The following PLK4 variants were observed in gnomAD, a reference collection of about 807,000 sequenced individuals.
PLK4 encodes serine/threonine-protein kinase PLK4.
In PLK4, 51 loss-of-function variants were observed where a neutral mutation model predicts 103.0. That is an observed-to-expected ratio of 0.50 (90% CI 0.40 to 0.63). PLK4 has a LOEUF of 0.63. Ranked by LOEUF, PLK4 falls within the 20% of genes least tolerant of loss-of-function variation. PLK4 has a pLI of 0.00. For synonymous variants in PLK4, 389 were observed against 376.8 expected (o/e 1.03, Z -0.38); for missense variants, 1,054 against 1,151.0 (o/e 0.92, Z 1.22).
chr4:127,885,262 G>A (rs893160709), intron 4 of PLK4, among the ~76,000 whole-genome samples: 4 of 151,728 alleles, frequency 2.6e-5, no homozygotes, highest in African/African-American at 7.3e-5. Flanking sequence ...GGTGGATCAC[G>A]AGGTCAGGAG....
Position 127,891,122 on chromosome 4 carries a change from G to A in PLK4, c.1861G>A (p.Val621Met), listed in dbSNP as rs773122147. 2.5e-6 allele frequency: 4 copies of A among 1,589,622 alleles called. No individual in the cohort carries two copies. In the African/African-American group the frequency reaches 5.4e-5, roughly 22 times the overall value. ...CATACTTGATTCAGAGGAGGTGTGT[G>A]TGGAGCTTGTAAAGGAGTATGCATC... ...VSILDSEEVC[V>M]ELVKEYASQE... Residue 621 changes from valine (V) to methionine (M), a missense_variant, in exon 8 of 16, where the codon GTG (valine) becomes ATG (methionine). Transcript: ENST00000270861.
intron 7 of PLK4, 114 bp downstream of exon 7, chr4:127,890,350 A>C (rs1238756486): frequency 1.5e-6 from 1 of 674,620 alleles, no homozygotes. Context: ...TGTATACATG[A>C]TCAACTTTAT....
Position 127,894,946 on chromosome 4 carries a change from T to C in PLK4, c.2563-7T>C, listed in dbSNP as rs1211775948. ...AATAATATCTTCCTGTCCTTTATTCTTTGTAGATGGTTACAAATGAAGGAC... is the reference window on the plus strand; with the variant it reads ...AATAATATCTTCCTGTCCTTTATTCCTTGTAGATGGTTACAAATGAAGGAC... On this transcript the variant is annotated splice_region_variant and splice_polypyrimidine_tract_variant and intron_variant, in intron 13 of 15. Transcript: ENST00000270861. 1 of 1,561,226 alleles carries C rather than the reference T, an allele frequency of 6.4e-7. No individual in the cohort carries two copies. The highest frequency in any genetic ancestry group is 1.4e-5 in the African/African-American group (1 of 72,708).
At position 127,886,381 on chromosome 4, in the gene PLK4, A is replaced by G. The variant is rs201311086; in HGVS notation, c.1011A>G (p.Ser337=). 1.5e-5 allele frequency: 24 copies of G among 1,613,914 alleles called. No individual in the cohort carries two copies. In the Middle Eastern group the frequency reaches 1.6e-3, roughly 111 times the overall value. The change falls in exon 5 of 16, where the codon TCA becomes TCG. Residue 337 remains serine, a synonymous_variant. Transcript: ENST00000270861. Reference sequence around the variant, plus strand: ...AAAGTTCAACTGATTTTTCTTCTTCAGGAGATGGAAACAGTTTTTATACTC... The same window carrying G: ...AAAGTTCAACTGATTTTTCTTCTTCGGGAGATGGAAACAGTTTTTATACTC... The part of the protein sequence containing the change: ...KNKSSTDFSS[S]GDGNSFYTQW...
intron 13 of PLK4, 73 bp downstream of exon 13, chr4:127,893,954 T>G: frequency 1.2e-6 from 1 of 828,792 alleles, no homozygotes; most frequent in Non-Finnish European, 2.0e-6. Context: ...GTAAAATAGT[T>G]TATTGTGGCT....
At chr4:127,881,189 C>T in intron 1 of PLK4, 25 bp downstream of exon 1, 2 of 1,612,446 alleles carry the variant, frequency 1.2e-6, no homozygotes, top group Non-Finnish European at 8.5e-7. Flanking sequence ...CAGTCTGCAG[C>T]GGGGCGGGTG....
At chr4:127,893,641 GT>G (rs1735449820) in intron 12 of PLK4, 37 bp downstream of exon 12, 1 of 1,581,530 alleles carries the variant, frequency 6.3e-7, no homozygotes, top group African/African-American at 1.4e-5. Flanking sequence ...TGGCTAAAAT[GT>G]TTTAAAAGTT....
At chr4:127,895,566 C>T (rs1309369154) in intron 14 of PLK4, among the ~76,000 whole-genome samples, 1 of 144,806 alleles carries the variant, frequency 6.9e-6, no homozygotes, top group African/African-American at 2.6e-5. Flanking sequence ...GGACTACAGG[C>T]GCCCACTGCC....
chr4:127,896,008 C>A (rs185117418), intron 14 of PLK4, among the ~76,000 whole-genome samples: 261 of 152,260 alleles, frequency 1.7e-3, no homozygotes, highest in African/African-American at 5.8e-3. Context: ...ACTTCTGAGC[C>A]TGACACATGT....
intron 15 of PLK4, among the ~76,000 whole-genome samples, chr4:127,897,841 T>TTTTTTG (rs1735631881): frequency 9.9e-6 from 1 of 101,490 alleles, no homozygotes; most frequent in African/African-American, 3.6e-5. Flanking sequence ...TTTTTTTTTT[T>TTTTTTG]TTTTTTTTTT....
In PLK4 at chr4:127,883,295, G is replaced by A. The variant is rs771069245; in HGVS notation, c.160G>A (p.Val54Ile). Reference protein sequence around the residue: ...DKKAMYKAGMVQRVQNEVKIH... With the variant: ...DKKAMYKAGMIQRVQNEVKIH... ...GAAAGCCATGTACAAAGCAGGAATGGTACAGAGAGTCCAAAATGAGGTGAA... is the reference window on the plus strand; with the variant it reads ...GAAAGCCATGTACAAAGCAGGAATGATACAGAGAGTCCAAAATGAGGTGAA... The change falls in exon 3 of 16, where the codon GTA (valine) becomes ATA (isoleucine). Residue 54 changes from valine to isoleucine, a missense_variant. This residue lies in a region of PLK4 where 199 missense variants were observed against 270.1 expected (regional missense o/e 0.74). Transcript: ENST00000270861. 1.0e-5 allele frequency: 16 copies of A among 1,597,240 alleles called. No individual in the cohort carries two copies. Among genetic ancestry groups the A allele is most frequent in the Admixed American group, 1.0e-4 (6 of 59,910 alleles).
At position 127,896,844 on chromosome 4, in the gene PLK4, A is replaced by T. The variant is rs201487669; in HGVS notation, c.2747A>T (p.Gln916Leu). The T allele has an allele frequency of 6.2e-7, 1 of 1,612,396 alleles. No individual in the cohort carries two copies. Among genetic ancestry groups the T allele is most frequent in the Non-Finnish European group, 8.5e-7 (1 of 1,179,072 alleles). The change falls in exon 15 of 16, where the codon CAG (glutamine) becomes CTG (leucine). Residue 916 changes from glutamine (Q) to leucine (L), a missense_variant. By Grantham distance (113) the Gln-to-Leu change is moderately radical. Transcript: ENST00000270861. The stretch of plus-strand genomic sequence containing the variant: ...TGGGTTCAGTTTAATGATGGGTCCC[A>T]GTTGGTTGTGCAGGCAGGAGTGTCT... Reference protein sequence around the residue: ...AVWVQFNDGSQLVVQAGVSSI... With the variant: ...AVWVQFNDGSLLVVQAGVSSI...
At chr4:127,896,646 A>G (rs553732650) in intron 14 of PLK4, among the ~76,000 whole-genome samples, 155 bp from the exon 15 acceptor site, 1 of 152,218 alleles carries the variant, frequency 6.6e-6, no homozygotes, top group South Asian at 2.1e-4. Flanking sequence ...GTAGTCACTT[A>G]GAGAGTTTTT....
Position 127,896,896 on chromosome 4 carries a change from TCAAA to T in PLK4, c.2803_2806del (p.Thr935LeufsTer25). 2 of 1,580,714 alleles carry T rather than the reference TCAAA, an allele frequency of 1.3e-6. No homozygotes were observed. The highest frequency in any genetic ancestry group is 1.7e-6 in the Non-Finnish European group (2 of 1,150,408). Reference sequence around the variant, plus strand: ...CTATCAGTTATACCTCACCAAATGGTCAAACAACTAGGTAAGTTCTTAAAATACT... The same window carrying T: ...CTATCAGTTATACCTCACCAAATGGTCAACTAGGTAAGTTCTTAAAATACT... On this transcript the variant is annotated frameshift_variant, in exon 15 of 16. Transcript: ENST00000270861. LOFTEE classifies it high-confidence loss of function.
rs1311889415 is a variant in PLK4, at chr4:127,885,733, C to T, written c.363C>T (p.Ile121=). The T allele has an allele frequency of 1.2e-6, 2 of 1,612,626 alleles. No homozygotes were observed. The highest frequency in any genetic ancestry group is 2.2e-5 in the South Asian group (2 of 90,824). The change falls in exon 5 of 16, where the codon ATC becomes ATT. Residue 121 remains isoleucine, a synonymous_variant. Transcript: ENST00000270861. ...CTCGACACTTCATGCACCAGATCAT[C>T]ACAGGGATGTTGTATCTTCATTCTC... ...NEARHFMHQI[I]TGMLYLHSHG...
Position 127,891,211 on chromosome 4 carries a change from C to G in PLK4, c.1935+15C>G. 1 of 1,189,666 alleles carries G rather than the reference C, an allele frequency of 8.4e-7. No homozygotes were observed. Among genetic ancestry groups the G allele is most frequent in the South Asian group, 1.4e-5 (1 of 72,200 alleles). 73.7% of individuals were successfully genotyped at this position (1,189,666 alleles called of 1,614,324 possible). A position where few individuals can be genotyped will look rare whatever the true frequency, so the allele number is the denominator to read the frequency against. On this transcript the variant is annotated intron_variant, in intron 8 of 15. Coordinates refer to ENST00000270861, the MANE Select transcript of PLK4 (RefSeq NM_014264.5). ...ATGGAAATACGGTAATGTGTAGTTA[C>G]TTTATTACCTTGCAACTTCAAATTA...
intron 7 of PLK4, among the ~76,000 whole-genome samples, chr4:127,890,562 T>C (rs1049372229): frequency 7.9e-5 from 12 of 152,154 alleles, no homozygotes; most frequent in African/African-American, 2.9e-4. Flanking sequence ...AGTGAGCTAA[T>C]ATTATCCTTT....
Position 127,893,285 on chromosome 4 carries a change from G to C in PLK4, c.2189G>C (p.Gly730Ala). The change falls in exon 11 of 16, where the codon GGG (glycine) becomes GCG (alanine). Residue 730 changes from glycine (G) to alanine (A), a missense_variant and splice_region_variant. Gly to Ala is a moderately conservative substitution (Grantham distance 60, BLOSUM62 0). Coordinates refer to ENST00000270861, the MANE Select transcript of PLK4 (RefSeq NM_014264.5). ...CAGTTTTCTGATTTTTTTTTTTTAG[G>C]GGTAAAAATACACAAAACAGAAGAT... is the stretch of plus-strand genomic sequence containing the variant. ...GADFEVWFYD[G>A]VKIHKTEDFI... 2.6e-6 allele frequency: 4 copies of C among 1,533,752 alleles called. No homozygotes were observed. Among genetic ancestry groups the C allele is most frequent in the Non-Finnish European group, 3.5e-6 (4 of 1,135,406 alleles).
chr4:127,893,366 A>C lies in PLK4; in HGVS notation c.2270A>C (p.Glu757Ala). The C allele has an allele frequency of 6.2e-7, 1 of 1,606,608 alleles. No homozygotes were observed. Among genetic ancestry groups the C allele is most frequent in the Non-Finnish European group, 8.5e-7 (1 of 1,174,108 alleles). The change falls in exon 11 of 16, where the codon GAA becomes GCA. Residue 757 changes from glutamate to alanine, a missense_variant. Physicochemically the swap from Glu to Ala is moderately radical, Grantham distance 107. Around this residue, in one of 4 missense-constraint regions of PLK4, gnomAD observed 680 missense variants for 660.3 expected, o/e 1.03. Transcript: ENST00000270861. ...TCTTACACTTTAAAAAGTGAAAGTG[A>C]AGTTAATAGCTTGAAAGAGGAGATA... Reference protein sequence around the residue: ...GKSYTLKSESEVNSLKEEIKM... With the variant: ...GKSYTLKSESAVNSLKEEIKM...
Sources: gnomAD v4.1 joint callset for allele counts (sites outside exome capture counted in the v4.1 genomes callset) on GRCh38, gnomAD v4.1.1 for gene constraint, gnomAD v4.1.1 regional missense constraint, MANE v1.5 for transcripts, NCBI Gene and HGNC (gene_info 2026-07-23, HGNC 2026-07-21) for gene names.